The following TMEM117 variants were observed in gnomAD, a reference collection of about 807,000 sequenced individuals.
TMEM117 encodes transmembrane protein 117.
A neutral mutation model predicts 52.4 loss-of-function variants in TMEM117; 27 were observed. The ratio of observed to expected loss-of-function variants is 0.51; its 90% CI spans 0.38 to 0.71. TMEM117 has a LOEUF of 0.71. Among genes scored for constraint, TMEM117 ranks in the 30% least tolerant of loss-of-function variants. The pLI, the probability that TMEM117 is intolerant of heterozygous loss-of-function variation, is 0.00. For synonymous variants in TMEM117, 215 were observed against 206.3 expected, an observed-to-expected ratio of 1.04 and a Z score of -0.36; for missense variants, 556 against 630.5, an observed-to-expected ratio of 0.88 and a Z score of 1.26.
At chr12:44,293,218 G>T (rs150405780) in intron 5 of TMEM117, among the ~76,000 whole-genome samples, 3 of 151,872 alleles carry the variant, frequency 2.0e-5, no homozygotes, top group Non-Finnish European at 4.4e-5. Context: ...AGTCCATTCT[G>T]TCTAATTTGA....
chr12:43,948,113 A>G (rs556225836), intron 3 of TMEM117, among the ~76,000 whole-genome samples: 1 of 152,112 alleles, frequency 6.6e-6, no homozygotes, highest in East Asian at 1.9e-4. Flanking sequence ...GGCTTTAGAC[A>G]TCTCTGGGGA....
intron 3 of TMEM117, among the ~76,000 whole-genome samples, chr12:44,019,435 A>G (rs771457155): frequency 6.6e-6 from 1 of 152,036 alleles, no homozygotes; most frequent in Non-Finnish European, 1.5e-5. Flanking sequence ...GGCTCATTCA[A>G]ATCTGCACCA....
intron 3 of TMEM117, among the ~76,000 whole-genome samples, chr12:43,967,168 C>A (rs1196864659): frequency 6.6e-6 from 1 of 151,724 alleles, no homozygotes; most frequent in Non-Finnish European, 1.5e-5. Flanking sequence ...ATTCTGTCAC[C>A]CAGTTTGGAA....
the TMEM117 span, among the ~76,000 whole-genome samples, chr12:43,795,953 T>C: frequency 6.6e-6 from 1 of 152,218 alleles, no homozygotes; most frequent in African/African-American, 2.4e-5. Flanking sequence ...CTACATTCAC[T>C]TCCTTCTTGG....
chr12:43,933,029 A>G (rs1944896373), intron 2 of TMEM117, among the ~76,000 whole-genome samples: 1 of 152,206 alleles, frequency 6.6e-6, no homozygotes, highest in Non-Finnish European at 1.5e-5. Flanking sequence ...GACCATGGAA[A>G]TCAGCCTTCA....
At chr12:43,960,460 G>A (rs998139198) in intron 3 of TMEM117, among the ~76,000 whole-genome samples, 2 of 152,160 alleles carry the variant, frequency 1.3e-5, no homozygotes, top group African/African-American at 4.8e-5. Flanking sequence ...TAGTACAAAG[G>A]TAAAATAGCA....
chr12:44,014,561 T>A (rs1946344951), intron 3 of TMEM117, among the ~76,000 whole-genome samples: 1 of 152,188 alleles, frequency 6.6e-6, no homozygotes, highest in Admixed American at 6.5e-5. Context: ...TATTCCAAAC[T>A]TCCTAACCTC....
chr12:44,305,999 C>A (rs937756446), intron 6 of TMEM117, among the ~76,000 whole-genome samples: 1 of 152,150 alleles, frequency 6.6e-6, no homozygotes, highest in Non-Finnish European at 1.5e-5. Flanking sequence ...TGGAGACCAT[C>A]ATCCTAAGTG....
chr12:44,139,472 C>T (rs1048267207), intron 3 of TMEM117, among the ~76,000 whole-genome samples: 7 of 139,226 alleles, frequency 5.0e-5, no homozygotes, highest in African/African-American at 2.3e-4. Flanking sequence ...TTTTCCAGAT[C>T]TTGTATATTG....
At chr12:44,099,859 G>A (rs1947832846) in intron 3 of TMEM117, among the ~76,000 whole-genome samples, 1 of 152,086 alleles carries the variant, frequency 6.6e-6, no homozygotes, top group Middle Eastern at 3.4e-3. Flanking sequence ...GCTAAAATGA[G>A]CCTAGAAGCT....
intron 4 of TMEM117, among the ~76,000 whole-genome samples, chr12:44,210,742 C>T (rs1949634849): frequency 6.6e-6 from 1 of 152,012 alleles, no homozygotes; most frequent in South Asian, 2.1e-4. Context: ...AGAATCTGTG[C>T]AGGTGAGGAA....
intron 3 of TMEM117, among the ~76,000 whole-genome samples, chr12:44,096,268 C>T (rs951092447): frequency 2.0e-5 from 3 of 152,076 alleles, no homozygotes; most frequent in South Asian, 2.1e-4. Context: ...GAATCAATAT[C>T]GTGTAAATGG....
At chr12:44,311,334 G>A (rs993510618) in intron 6 of TMEM117, among the ~76,000 whole-genome samples, 3 of 152,058 alleles carry the variant, frequency 2.0e-5, no homozygotes, top group African/African-American at 7.3e-5. Flanking sequence ...AAATCAAGGA[G>A]GTACATATAT....
At chr12:44,312,690 T>C (rs115153267) in intron 6 of TMEM117, among the ~76,000 whole-genome samples, 7,310 of 152,266 alleles carry the variant, frequency 0.048, 359 homozygotes, top group African/African-American at 0.12. Context: ...AATCTCCAAA[T>C]TGCTTTCCAA....
At chr12:44,241,914 TG>T (rs1310934446) in intron 5 of TMEM117, among the ~76,000 whole-genome samples, 1 of 151,960 alleles carries the variant, frequency 6.6e-6, no homozygotes, top group African/African-American at 2.4e-5. Flanking sequence ...TGTGGAGGAA[TG>T]GTCCCCATTT....
chr12:44,050,663 T>C (rs1446734148), intron 3 of TMEM117, among the ~76,000 whole-genome samples: 1 of 152,216 alleles, frequency 6.6e-6, no homozygotes, highest in East Asian at 1.9e-4. Flanking sequence ...TGTTGTGGCA[T>C]TGTGCTTGTT....
At chr12:44,093,525 A>G (rs61933035) in intron 3 of TMEM117, among the ~76,000 whole-genome samples, 97 of 152,302 alleles carry the variant, frequency 6.4e-4, no homozygotes, top group African/African-American at 2.2e-3. Flanking sequence ...TATTAGACCA[A>G]TTCTAATGTT....
chr12:44,149,015 A>T lies in TMEM117; in HGVS notation c.510+5391A>T, dbSNP rs912112983. 2.6e-5 allele frequency among the ~76,000 whole-genome samples: 4 copies of T among 152,182 alleles called. No individual in the cohort carries two copies. In the South Asian group the frequency reaches 8.3e-4, roughly 31 times the overall value. On this transcript the variant is annotated intron_variant, in intron 4 of 7. Transcript: ENST00000266534. ...CAGGCTATGCACTTCTTCACACTAA[A>T]TTTGTTCCCAGAACCACAGGGACAC...
chr12:44,152,853 A>T (rs1257613430), intron 4 of TMEM117, among the ~76,000 whole-genome samples: 1 of 145,320 alleles, frequency 6.9e-6, no homozygotes, highest in Admixed American at 7.1e-5. Context: ...TAAATACAAT[A>T]TATACATTAT....
Sources: gnomAD v4.1 joint callset for allele counts (sites outside exome capture counted in the v4.1 genomes callset) on GRCh38, gnomAD v4.1.1 for gene constraint, MANE v1.5 for transcripts, NCBI Gene and HGNC (gene_info 2026-07-23, HGNC 2026-07-21) for gene names.